The following MAP7 variants were observed in gnomAD, a reference collection of about 807,000 sequenced individuals.
The protein encoded by MAP7 is microtubule associated protein 7.
MAP7 carries 52 observed loss-of-function variants against 94.8 expected under a neutral mutation model. The ratio of observed to expected loss-of-function variants is 0.55; its 90% CI spans 0.44 to 0.69. The LOEUF (loss-of-function observed/expected upper bound fraction) is 0.69. Ranked by LOEUF, MAP7 falls within the 30% of genes least tolerant of loss-of-function variation. The probability of loss-of-function intolerance (pLI) is 0.00; values close to 1 mark genes in which losing one functional copy is unlikely to be tolerated. For missense variants in MAP7, 940 were observed against 964.6 expected, an observed-to-expected ratio of 0.97 and a Z score of 0.34; for synonymous variants, 350 against 357.0, an observed-to-expected ratio of 0.98 and a Z score of 0.22.
At chr6:136,363,761 C>T (rs1284449659) in intron 10 of MAP7, among the ~76,000 whole-genome samples, 1 of 152,180 alleles carries the variant, frequency 6.6e-6, no homozygotes, top group African/African-American at 2.4e-5. Context: ...TTCTATCAAG[C>T]ACACAGGCTA....
intron 10 of MAP7, among the ~76,000 whole-genome samples, 183 bp downstream of exon 10, chr6:136,365,546 TAAGTAA>T (rs1457328555): frequency 3.9e-5 from 6 of 152,154 alleles, no homozygotes; most frequent in Non-Finnish European, 8.8e-5. Flanking sequence ...TTAGCGTTGC[TAAGTAA>T]AAAACTATTT....
chr6:136,389,436 C>G lies in MAP7; in HGVS notation c.326G>C (p.Arg109Thr). Residue 109 changes from arginine (R) to threonine (T), a missense_variant, in exon 4 of 18, where the codon AGG becomes ACG. Transcript: ENST00000354570. ...YEKHLEERKK[R>T]LEEQRQKEER... ...CTCCTTCTGCCTCTGCTCCTCCAACCTCTTCTTCCGCTCTTCCAGGTGCTT... is the reference window on the plus strand; with the variant it reads ...CTCCTTCTGCCTCTGCTCCTCCAACGTCTTCTTCCGCTCTTCCAGGTGCTT... 1 of 1,602,778 alleles carries G rather than the reference C, an allele frequency of 6.2e-7. No individual in the cohort carries two copies. Among genetic ancestry groups the G allele is most frequent in the Non-Finnish European group, 8.5e-7 (1 of 1,175,986 alleles).
intron 5 of MAP7, among the ~76,000 whole-genome samples, chr6:136,385,983 C>T (rs975319570): frequency 1.3e-5 from 2 of 152,098 alleles, no homozygotes; most frequent in Middle Eastern, 3.2e-3. Context: ...GTTGACCAGG[C>T]TGGTCTCGAA....
intron 2 of MAP7, among the ~76,000 whole-genome samples, chr6:136,413,573 G>A (rs1261144387): frequency 6.6e-6 from 1 of 151,814 alleles, no homozygotes; most frequent in Non-Finnish European, 1.5e-5. Context: ...AAATAGCAGT[G>A]CTTTGGCAAC....
intron 1 of MAP7, among the ~76,000 whole-genome samples, chr6:136,507,897 G>A (rs964682361): frequency 2.6e-5 from 4 of 152,152 alleles, no homozygotes; most frequent in Non-Finnish European, 5.9e-5. Flanking sequence ...CTCCTACACC[G>A]TATGGCCTCC....
At chr6:136,509,483 C>T (rs1822580557) in intron 1 of MAP7, among the ~76,000 whole-genome samples, 1 of 151,970 alleles carries the variant, frequency 6.6e-6, no homozygotes, top group Admixed American at 6.6e-5. Context: ...AAACTCTTTG[C>T]CTCAAGTAAT....
chr6:136,411,524 T>G, intron 3 of MAP7, 96 bp downstream of exon 3: 1 of 1,008,826 alleles, frequency 9.9e-7, no homozygotes, highest in Non-Finnish European at 1.5e-6. Context: ...TTCTGCCTCA[T>G]AGTCCATCTG....
chr6:136,542,912 G>C (rs991100410), intron 1 of MAP7, among the ~76,000 whole-genome samples: 5 of 152,148 alleles, frequency 3.3e-5, no homozygotes, highest in African/African-American at 1.2e-4. Context: ...TTTACTCAAA[G>C]AACTTGGTGG....
At chr6:136,447,352 G>A (rs1451269652) in intron 1 of MAP7, among the ~76,000 whole-genome samples, 2 of 152,194 alleles carry the variant, frequency 1.3e-5, no homozygotes, top group Admixed American at 1.3e-4. Flanking sequence ...CAGTTTGAAA[G>A]CTTAGGGACA....
chr6:136,440,617 T>C (rs1312355920), intron 1 of MAP7, among the ~76,000 whole-genome samples: 1 of 152,230 alleles, frequency 6.6e-6, no homozygotes. Flanking sequence ...TTCTCACTTG[T>C]TGCAAGGAGG....
At chr6:136,352,157 G>A (rs1382966922) in intron 16 of MAP7, among the ~76,000 whole-genome samples, 1 of 151,556 alleles carries the variant, frequency 6.6e-6, no homozygotes, top group Non-Finnish European at 1.5e-5. Flanking sequence ...GCAACACTAG[G>A]GTATGTGACT....
At chr6:136,525,802 C>T (rs1827652105) in intron 1 of MAP7, 1 of 1,526,688 alleles carries the variant, frequency 6.6e-7, no homozygotes, top group Non-Finnish European at 8.7e-7. Flanking sequence ...CTGGATCTGG[C>T]TCCGACCAAA....
At chr6:136,527,247 C>A (rs1180126256) in intron 1 of MAP7, among the ~76,000 whole-genome samples, 1 of 152,180 alleles carries the variant, frequency 6.6e-6, no homozygotes, top group African/African-American at 2.4e-5. Context: ...TTAAGACTCT[C>A]CACTTCTAGA....
intron 1 of MAP7, among the ~76,000 whole-genome samples, chr6:136,521,002 G>A (rs1183952041): frequency 6.6e-6 from 1 of 152,184 alleles, no homozygotes; most frequent in Non-Finnish European, 1.5e-5. Flanking sequence ...CGGTAATGTA[G>A]ATAACTGAGG....
intron 1 of MAP7, among the ~76,000 whole-genome samples, chr6:136,486,847 A>G (rs769196241): frequency 2.6e-4 from 39 of 152,240 alleles, no homozygotes; most frequent in Non-Finnish European, 5.3e-4. Flanking sequence ...AAAAATTTAA[A>G]TAAACAAAAT....
intron 1 of MAP7, among the ~76,000 whole-genome samples, chr6:136,465,138 C>T (rs1449137920): frequency 6.6e-6 from 1 of 152,124 alleles, no homozygotes; most frequent in Non-Finnish European, 1.5e-5. Context: ...CCCTGCACCT[C>T]CACTGAAATT....
At chr6:136,412,468 T>C (rs1423056564) in intron 2 of MAP7, among the ~76,000 whole-genome samples, 1 of 152,004 alleles carries the variant, frequency 6.6e-6, no homozygotes. Context: ...ACAGAGAATA[T>C]AGGTTAAGGA....
At chr6:136,504,977 G>C (rs529104544) in intron 1 of MAP7, among the ~76,000 whole-genome samples, 1 of 152,286 alleles carries the variant, frequency 6.6e-6, no homozygotes, top group African/African-American at 2.4e-5. Flanking sequence ...ACCATGCCCA[G>C]CCAAAATATT....
intron 1 of MAP7, among the ~76,000 whole-genome samples, chr6:136,455,225 T>C (rs1582962922): frequency 1.3e-5 from 2 of 152,068 alleles, no homozygotes; most frequent in South Asian, 4.1e-4. Flanking sequence ...AATATGTGAA[T>C]ATTAAAAGTG....
Sources: allele counts gnomAD v4.1 joint callset (sites outside exome capture counted in the v4.1 genomes callset), GRCh38; gene constraint gnomAD v4.1.1; transcripts MANE v1.5; gene names NCBI Gene and HGNC (gene_info 2026-07-23, HGNC 2026-07-21).